MTCL1: variants seen among roughly 807,000 people sequenced by gnomAD.
MTCL1 encodes the protein microtubule cross-linking factor 1.
In MTCL1, 79 loss-of-function variants were observed where a neutral mutation model predicts 141.4. The ratio of observed to expected loss-of-function variants is 0.56; its 90% CI spans 0.47 to 0.67. The LOEUF is 0.67. Ranked by LOEUF, MTCL1 falls within the 30% of genes least tolerant of loss-of-function variation. The pLI is 0.00. For missense variants in MTCL1, 2,177 were observed against 2,113.9 expected, an observed-to-expected ratio of 1.03 and a Z score of -0.59; for synonymous variants, 914 against 875.8, an observed-to-expected ratio of 1.04 and a Z score of -0.77.
chr18:8,719,725 G>A (rs2096155378), intron 3 of MTCL1, among the ~76,000 whole-genome samples: 1 of 152,052 alleles, frequency 6.6e-6, no homozygotes, highest in South Asian at 2.1e-4. Flanking sequence ...ACCATGCCTG[G>A]ATTATTTTTT....
intron 9 of MTCL1, 72 bp from the exon 9 acceptor site, chr18:8,798,025 G>C: frequency 1.4e-6 from 2 of 1,433,386 alleles, no homozygotes; most frequent in Non-Finnish European, 1.9e-6. Context: ...GTTATCCTCA[G>C]ACAGTGAAAA....
chr18:8,727,852 T>TTCTTTCTCTC (rs57928718), intron 4 of MTCL1, among the ~76,000 whole-genome samples: 32 of 135,448 alleles, frequency 2.4e-4, no homozygotes, highest in Admixed American at 1.8e-3. Context: ...TGCTTGCTCC[T>TTCTTTCTCTC]TCTCTCTCTC....
At chr18:8,716,809 A>C (rs2096131255), upstream of MTCL1, among the ~76,000 whole-genome samples, 1 of 152,100 alleles carries the variant, frequency 6.6e-6, no homozygotes, top group African/African-American at 2.4e-5. Flanking sequence ...AGTGCATGCT[A>C]TTCTGGAGGC....
chr18:8,776,235 G>A (rs2096507921), intron 4 of MTCL1, among the ~76,000 whole-genome samples: 1 of 152,186 alleles, frequency 6.6e-6, no homozygotes, highest in Non-Finnish European at 1.5e-5. Context: ...GCCTTGACAG[G>A]TCTGGGGCCG....
intron 10 of MTCL1, among the ~76,000 whole-genome samples, chr18:8,803,577 A>G (rs1056545057): frequency 1.5e-4 from 23 of 152,178 alleles, no homozygotes; most frequent in Non-Finnish European, 3.4e-4. Flanking sequence ...TTGTGTGCTA[A>G]TGGCAGGAGC....
chr18:8,825,274 G>A lies in MTCL1; in HGVS notation c.3764G>A (p.Arg1255His), dbSNP rs149227195. 1.3e-4 allele frequency: 208 copies of A among 1,567,970 alleles called. No homozygotes were observed. In the Middle Eastern group the frequency reaches 6.2e-3, roughly 47 times the overall value. The change falls in exon 15 of 17, where the codon CGC (arginine) becomes CAC (histidine). Residue 1255 changes from arginine (R) to histidine (H), a missense_variant. Physicochemically the swap from Arg to His is conservative, Grantham distance 29 (BLOSUM62 0). Transcript: ENST00000359865. ...CGGGACTATGTGGAGGGGGCACGGC[G>A]CCCCCTTGATAGTCCCCTCTGTACC...
At chr18:8,710,888 C>CTTTTTTTTTTTTTTTTTTTTTTTTTATTT (rs71356255) in intron 1 of MTCL1, among the ~76,000 whole-genome samples, 1 of 80,932 alleles carries the variant, frequency 1.2e-5, no homozygotes, top group Non-Finnish European at 2.2e-5. Context: ...TTTTTTTTTA[C>CTTTTTTTTTTTTTTTTTTTTTTTTTATTT]TTTTTTTTTT....
At chr18:8,762,179 T>C (rs2096435716) in intron 4 of MTCL1, among the ~76,000 whole-genome samples, 1 of 152,212 alleles carries the variant, frequency 6.6e-6, no homozygotes, top group African/African-American at 2.4e-5. Flanking sequence ...TGATAATTAG[T>C]GTCTTAAAAG....
intron 4 of MTCL1, among the ~76,000 whole-genome samples, chr18:8,750,220 A>G (rs934089450): frequency 3.3e-5 from 5 of 151,078 alleles, no homozygotes; most frequent in African/African-American, 9.8e-5. Flanking sequence ...TAATTTTTGT[A>G]TTTTTAGTAG....
At chr18:8,767,629 C>G (rs535127906) in intron 4 of MTCL1, among the ~76,000 whole-genome samples, 6 of 152,018 alleles carry the variant, frequency 3.9e-5, no homozygotes, top group African/African-American at 1.2e-4. Context: ...ACTTGAGTAC[C>G]CGGGGTCCAT....
rs533512945 is a variant in MTCL1 at position 8,727,567 on chromosome 18, T to A, written c.357+7071T>A. ...TAGTGATGTGGAGCATTTCTTCATG[T>A]TTCTTGACCAGGTACATGTCTTCAA... On this transcript the variant is annotated intron_variant, in intron 4 of 16. Transcript: ENST00000359865. 2.9e-3 allele frequency among the ~76,000 whole-genome samples: 448 copies of A among 152,338 alleles called. 5 individuals carry two copies. The highest frequency in any genetic ancestry group is 0.024 in the Middle Eastern group (7 of 294).
At chr18:8,769,265 A>C (rs624193) in intron 4 of MTCL1, among the ~76,000 whole-genome samples, 36,065 of 152,076 alleles carry the variant, frequency 0.24, 4,650 homozygotes, top group East Asian at 0.52. Context: ...GGTATTGCTA[A>C]GTGCCAGCAT....
intron 4 of MTCL1, among the ~76,000 whole-genome samples, chr18:8,738,769 T>A (rs2096286451): frequency 6.6e-6 from 1 of 152,210 alleles, no homozygotes; most frequent in South Asian, 2.1e-4. Flanking sequence ...CTTGGCTAAC[T>A]TCCACTCTGC....
exon 6 of MTCL1, chr18:8,783,557 C>A: frequency 6.2e-7 from 1 of 1,606,270 alleles, no homozygotes. Context: ...GAGGTGCCAG[C>A]TCCAGTTTGC....
At chr18:8,829,277 G>A (rs2077123134) in intron 16 of MTCL1, 2 of 985,324 alleles carry the variant, frequency 2.0e-6, no homozygotes, top group African/African-American at 1.7e-5. Flanking sequence ...TGGCCAGGAG[G>A]GGACATCCTA....
intron 13 of MTCL1, among the ~76,000 whole-genome samples, chr18:8,819,702 A>C (rs922112368): frequency 2.6e-5 from 4 of 151,628 alleles, no homozygotes; most frequent in African/African-American, 7.3e-5. Flanking sequence ...TCCTAGGCTC[A>C]ATTGATCCTT....
intron 4 of MTCL1, among the ~76,000 whole-genome samples, chr18:8,733,327 A>G (rs562293301): frequency 2.0e-5 from 3 of 152,168 alleles, no homozygotes; most frequent in Non-Finnish European, 4.4e-5. Flanking sequence ...GTTTCTGTAA[A>G]CTATAGGAAA....
chr18:8,808,174 C>T (rs927830412), intron 11 of MTCL1, among the ~76,000 whole-genome samples: 1 of 152,206 alleles, frequency 6.6e-6, no homozygotes, highest in African/African-American at 2.4e-5. Context: ...ATTGTGGCTC[C>T]TGCCTGCTGC....
chr18:8,771,556 T>C (rs1021126712), intron 4 of MTCL1, among the ~76,000 whole-genome samples: 2 of 152,208 alleles, frequency 1.3e-5, no homozygotes, highest in East Asian at 1.9e-4. Context: ...TTTAAAAATT[T>C]AGACTTTCAA....
Sources: allele counts gnomAD v4.1 joint callset (sites outside exome capture counted in the v4.1 genomes callset), GRCh38; gene constraint gnomAD v4.1.1; transcripts MANE v1.5; gene names NCBI Gene and HGNC (gene_info 2026-07-23, HGNC 2026-07-21).